The following MAGI2 variants were observed in gnomAD, a reference collection of about 807,000 sequenced individuals.
The protein encoded by MAGI2 is membrane-associated guanylate kinase, WW and PDZ domain-containing protein 2.
In MAGI2, 35 loss-of-function variants were observed where a neutral mutation model predicts 133.3. The ratio of observed to expected loss-of-function variants is 0.26; its 90% CI spans 0.20 to 0.35. The LOEUF is 0.35. Among genes scored for constraint, MAGI2 ranks in the 10% least tolerant of loss-of-function variants. The pLI is 1.00. For synonymous variants in MAGI2, 729 were observed against 710.6 expected, an observed-to-expected ratio of 1.03 and a Z score of -0.41; for missense variants, 1,636 against 1,863.4, an observed-to-expected ratio of 0.88 and a Z score of 2.25.
chr7:79,241,360 G>A (rs1332006568), intron 1 of MAGI2, among the ~76,000 whole-genome samples: 1 of 152,206 alleles, frequency 6.6e-6, no homozygotes, highest in Non-Finnish European at 1.5e-5. Flanking sequence ...TTATAACAGT[G>A]AGATAAGTTT....
At chr7:78,801,079 C>CAT (rs1170174226) in intron 2 of MAGI2, among the ~76,000 whole-genome samples, 2 of 152,114 alleles carry the variant, frequency 1.3e-5, no homozygotes, top group East Asian at 3.9e-4. Context: ...GATGTTTGAT[C>CAT]ATATTTGGGC....
intron 10 of MAGI2, among the ~76,000 whole-genome samples, chr7:78,231,972 G>A (rs1364506628): frequency 6.6e-6 from 1 of 151,844 alleles, no homozygotes; most frequent in Non-Finnish European, 1.5e-5. Context: ...ATGACCCTGG[G>A]TAGTTACAAA....
intron 1 of MAGI2, among the ~76,000 whole-genome samples, chr7:79,201,364 A>C (rs1828602678): frequency 6.6e-6 from 1 of 152,058 alleles, no homozygotes; most frequent in Non-Finnish European, 1.5e-5. Context: ...TGTGAATATA[A>C]GAAAAACAGA....
chr7:78,247,008 C>A (rs1791869150), intron 10 of MAGI2, among the ~76,000 whole-genome samples: 1 of 152,168 alleles, frequency 6.6e-6, no homozygotes. Flanking sequence ...CCAGTTGTTA[C>A]AATAGGTTGG....
intron 2 of MAGI2, among the ~76,000 whole-genome samples, chr7:78,662,454 A>C (rs919307688): frequency 3.3e-5 from 5 of 152,210 alleles, no homozygotes; most frequent in African/African-American, 1.2e-4. Context: ...CTATCTTAGC[A>C]ACACTTTGCT....
intron 2 of MAGI2, among the ~76,000 whole-genome samples, chr7:78,963,848 G>T (rs1803077031): frequency 6.6e-6 from 1 of 151,714 alleles, no homozygotes; most frequent in South Asian, 2.1e-4. Flanking sequence ...AAATTATCAG[G>T]GCATCAGAGT....
intron 1 of MAGI2, among the ~76,000 whole-genome samples, chr7:79,337,110 A>C (rs1287225440): frequency 6.6e-6 from 1 of 152,166 alleles, no homozygotes; most frequent in Non-Finnish European, 1.5e-5. Flanking sequence ...CCTGAGATAT[A>C]CATAACATTT....
At chr7:78,714,653 T>C (rs752781776) in intron 2 of MAGI2, among the ~76,000 whole-genome samples, 7 of 152,184 alleles carry the variant, frequency 4.6e-5, no homozygotes, top group Non-Finnish European at 8.8e-5. Flanking sequence ...ATCTGTATTA[T>C]TCAAGAACCA....
At chr7:79,159,238 G>A (rs1772489818) in intron 1 of MAGI2, among the ~76,000 whole-genome samples, 2 of 152,030 alleles carry the variant, frequency 1.3e-5, no homozygotes, top group South Asian at 4.1e-4. Context: ...GTCTATGTAA[G>A]TCATCATAAG....
chr7:78,369,091 A>G (rs1390248884), intron 7 of MAGI2, 65 bp downstream of exon 7: 2 of 1,215,952 alleles, frequency 1.6e-6, no homozygotes, highest in Non-Finnish European at 2.3e-6. Flanking sequence ...ATGCTCAATA[A>G]ATAAAATACT....
At chr7:79,412,316 A>G (rs983584099) in intron 1 of MAGI2, 6 of 152,282 alleles carry the variant, frequency 3.9e-5, no homozygotes, top group African/African-American at 1.2e-4. Flanking sequence ...ATGTAAATAT[A>G]TAAGTATTTA....
Position 78,430,240 on chromosome 7 carries a change from CTTT to C in MAGI2, c.1045+59518_1045+59520del, listed in dbSNP as rs545809101. On this transcript the variant is annotated intron_variant, in intron 6 of 21. Transcript: ENST00000354212. Reference sequence around the variant, plus strand: ...GTATTACTGTCTGTTCTGGAAAAGCCTTTTTTTTTTTTTTTTTTTTTTTTTAAT... The same window carrying C: ...GTATTACTGTCTGTTCTGGAAAAGCCTTTTTTTTTTTTTTTTTTTTTTAAT... Among the ~76,000 whole-genome samples, 219 of 76,630 alleles carry C rather than the reference CTTT, an allele frequency of 2.9e-3. 1 individual carries two copies. Among genetic ancestry groups the C allele is most frequent in the South Asian group, 0.02 (43 of 2,204 alleles). The allele number at this position is 76,630 out of a possible 152,430, so 50.3% of individuals were successfully genotyped here.
chr7:79,219,561 G>A (rs1358671590), intron 1 of MAGI2, among the ~76,000 whole-genome samples: 1 of 151,948 alleles, frequency 6.6e-6, no homozygotes, highest in African/African-American at 2.4e-5. Context: ...TATTTTGTCA[G>A]TATTCTTTCT....
chr7:79,095,472 CTCACTAAGCCTAA>C (rs1240768372), intron 1 of MAGI2, among the ~76,000 whole-genome samples: 1 of 152,210 alleles, frequency 6.6e-6, no homozygotes, highest in Non-Finnish European at 1.5e-5. Flanking sequence ...ACAAGCCTTC[CTCACTAAGCCTAA>C]TCATTTCTAG....
chr7:78,345,984 T>C lies in MAGI2; in HGVS notation c.1163A>G (p.Gln388Arg), dbSNP rs751743975. 12 of 1,614,134 alleles carry C rather than the reference T, an allele frequency of 7.4e-6. No homozygotes were observed. Among genetic ancestry groups the C allele is most frequent in the Middle Eastern group, 3.3e-4 (2 of 6,084 alleles). ...TTCTGTGTGGGGCATGTTATGTTGC[T>C]GTAGCTTCCTTTTTGCTTCCAGGAC... ...NPVLEAKRKL[Q>R]QHNMPHTELG... The change falls in exon 8 of 22, where the codon CAG becomes CGG. Residue 388 changes from glutamine (Q) to arginine (R), a missense_variant. Gln to Arg is a conservative substitution (Grantham distance 43, BLOSUM62 1). Transcript: ENST00000354212.
chr7:78,362,144 A>C (rs1034981017), intron 7 of MAGI2, among the ~76,000 whole-genome samples: 1 of 152,084 alleles, frequency 6.6e-6, no homozygotes, highest in African/African-American at 2.4e-5. Context: ...TCTACTAAAA[A>C]TACAAAAATT....
intron 1 of MAGI2, among the ~76,000 whole-genome samples, chr7:79,400,168 C>A (rs968183666): frequency 3.3e-5 from 5 of 152,014 alleles, no homozygotes; most frequent in Non-Finnish European, 5.9e-5. Flanking sequence ...AGAAGGGCTC[C>A]CACCAAATGA....
rs542571403 is a variant in MAGI2 at position 79,405,291 on chromosome 7, G to A, written c.301+47729C>T. Among the ~76,000 whole-genome samples the A allele has an allele frequency of 4.6e-5, 7 of 152,220 alleles. No homozygotes were observed. The East Asian group carries it at 1.4e-3, about 29-fold the overall frequency. On this transcript the variant is annotated intron_variant, in intron 1 of 21. Coordinates refer to ENST00000354212, the MANE Select transcript of MAGI2 (RefSeq NM_012301.4). ...AAATGTTAGGGGTTAGCGTGAAGGAGGCCAAAGGGTTTAGCTGTTCAAAAT... is the reference window on the plus strand; with the variant it reads ...AAATGTTAGGGGTTAGCGTGAAGGAAGCCAAAGGGTTTAGCTGTTCAAAAT...
intron 10 of MAGI2, among the ~76,000 whole-genome samples, chr7:78,206,294 C>CTT (rs869221931): frequency 1.6e-4 from 7 of 44,754 alleles, no homozygotes; most frequent in Non-Finnish European, 2.3e-4. Context: ...CTTTTCCTTT[C>CTT]TTTTTTTTTT....
Sources: allele counts gnomAD v4.1 joint callset (sites outside exome capture counted in the v4.1 genomes callset), GRCh38; gene constraint gnomAD v4.1.1; transcripts MANE v1.5; gene names NCBI Gene and HGNC (gene_info 2026-07-23, HGNC 2026-07-21).